The following LYPD6 variants were observed in gnomAD, a reference collection of about 807,000 sequenced individuals.
LYPD6 encodes the protein LY6/PLAUR domain containing 6, also known as ly6/PLAUR domain-containing protein 6.
A neutral mutation model predicts 22.7 loss-of-function variants in LYPD6; 15 were observed. The observed-to-expected ratio is 0.66, with a 90% CI of 0.44 to 1.02. LYPD6 has a LOEUF of 1.02. Ranked by LOEUF, LYPD6 falls within the 50% of genes least tolerant of loss-of-function variation. The pLI, the probability that LYPD6 is intolerant of heterozygous loss-of-function variation, is 0.00. For missense variants in LYPD6, 189 were observed against 208.4 expected (o/e 0.91, Z 0.57); for synonymous variants, 72 against 77.5 (o/e 0.93, Z 0.37).
At chr2:149,360,130 A>C (rs1681543580) in intron 1 of LYPD6, among the ~76,000 whole-genome samples, 1 of 152,202 alleles carries the variant, frequency 6.6e-6, no homozygotes, top group African/African-American at 2.4e-5. Context: ...GTAAACTGTC[A>C]TGGTGCTGTT....
chr2:149,483,103 G>A, the LYPD6 span, among the ~76,000 whole-genome samples: 1 of 152,180 alleles, frequency 6.6e-6, no homozygotes, highest in Non-Finnish European at 1.5e-5. Context: ...GGTCTTAGTG[G>A]AGGGAAACCA....
chr2:149,365,089 G>GC (rs33998268), intron 1 of LYPD6, among the ~76,000 whole-genome samples: 1 of 152,272 alleles, frequency 6.6e-6, no homozygotes, highest in Admixed American at 6.5e-5. Flanking sequence ...CTAATGAACA[G>GC]CCCCTTCATC....
intron 1 of LYPD6, among the ~76,000 whole-genome samples, chr2:149,366,387 T>G (rs1274797178): frequency 6.6e-6 from 1 of 152,228 alleles, no homozygotes; most frequent in Non-Finnish European, 1.5e-5. Context: ...TGGGCTTGAC[T>G]GGTTGCCACC....
chr2:149,440,317 G>T (rs567631692), intron 2 of LYPD6: 2 of 159,430 alleles, frequency 1.3e-5, no homozygotes. Context: ...TCACATCGAG[G>T]TGACCCTTAC....
At chr2:149,336,363 G>T (rs1024169696) in intron 1 of LYPD6, among the ~76,000 whole-genome samples, 7 of 152,164 alleles carry the variant, frequency 4.6e-5, no homozygotes, top group African/African-American at 1.7e-4. Context: ...AGTCAAAATG[G>T]AAGATTGAAG....
rs372365337 is a variant in LYPD6 at position 149,452,323 on chromosome 2, C to T, written c.217+3176C>T. ...CACACTCAGCTTCCTGCTTGGCCAG[C>T]CCTATTTCCCACGAGTCTTCTGCTC... On this transcript the variant is annotated intron_variant, in intron 3 of 4. Transcript: ENST00000334166. 1.1e-4 allele frequency among the ~76,000 whole-genome samples: 16 copies of T among 152,298 alleles called. 1 individual carries two copies. In the East Asian group the frequency reaches 2.7e-3, roughly 26 times the overall value.
rs1682479690 is a variant in LYPD6 at position 149,398,557 on chromosome 2, G to A, written c.-71-39081G>A. On this transcript the variant is annotated intron_variant, in intron 1 of 4. Transcript: ENST00000334166. ...CTTTCCTTACTTTCCTGTTACTGAG[G>A]AGGCTAGAGTGGGGAAGGGATGGGG... is the stretch of plus-strand genomic sequence containing the variant. Among the ~76,000 whole-genome samples the A allele has an allele frequency of 2.0e-5, 3 of 152,012 alleles. No individual in the cohort carries two copies. The South Asian group carries it at 6.2e-4, about 32-fold the overall frequency.
rs75939577 is a variant in LYPD6, at chr2:149,356,085, C to CT, written c.-72+25377dup. On this transcript the variant is annotated intron_variant, in intron 1 of 4. Coordinates refer to ENST00000334166, the MANE Select transcript of LYPD6 (RefSeq NM_194317.5). ...GAGAGCATTTAATACTCTTTTCCCA[C>CT]TTTTTTTTTTTTTTCCTATTACCTT... Among the ~76,000 whole-genome samples the CT allele has an allele frequency of 3.6e-3, 522 of 143,900 alleles. 1 individual carries two copies. The highest frequency in any genetic ancestry group is 3.7e-3 in the Middle Eastern group (1 of 270). 94.4% of individuals were successfully genotyped at this position (143,900 alleles called of 152,430 possible).
intron 1 of LYPD6, among the ~76,000 whole-genome samples, chr2:149,339,011 G>A (rs1039996904): frequency 5.9e-5 from 9 of 152,170 alleles, no homozygotes; most frequent in African/African-American, 2.2e-4. Context: ...TCAAGCCAGT[G>A]CCCAGGACTT....
At chr2:149,468,574 C>G in intron 3 of LYPD6, 71 bp from the exon 4 acceptor site, 2 of 1,524,336 alleles carry the variant, frequency 1.3e-6, no homozygotes, top group Non-Finnish European at 1.8e-6. Context: ...AATGCTGACA[C>G]TCCTGTTATT....
chr2:149,349,306 T>C (rs919068236), intron 1 of LYPD6, among the ~76,000 whole-genome samples: 1 of 152,100 alleles, frequency 6.6e-6, no homozygotes, highest in Admixed American at 6.6e-5. Flanking sequence ...GAAGTTGCAG[T>C]TGTGTGCTCC....
intron 1 of LYPD6, among the ~76,000 whole-genome samples, chr2:149,394,499 A>C (rs574760086): frequency 6.6e-6 from 1 of 152,280 alleles, no homozygotes; most frequent in Non-Finnish European, 1.5e-5. Context: ...ACACCCATAC[A>C]TTTATATTTT....
At chr2:149,478,284 CCTGTTCAGTGGTT>C (rs147743322), downstream of LYPD6, among the ~76,000 whole-genome samples, 997 of 152,176 alleles carry the variant, frequency 6.6e-3, 9 homozygotes, top group Middle Eastern at 0.02. Context: ...CCTCAGAGCC[CCTGTTCAGTGGTT>C]CTGTCAACTA....
Position 149,369,749 on chromosome 2 carries a change from A to G in LYPD6, c.-72+39027A>G, listed in dbSNP as rs373915345. Among the ~76,000 whole-genome samples the G allele has an allele frequency of 7.9e-5, 12 of 152,230 alleles. 1 individual carries two copies. Among genetic ancestry groups the G allele is most frequent in the East Asian group, 3.8e-4 (2 of 5,196 alleles). On this transcript the variant is annotated intron_variant, in intron 1 of 4. Coordinates refer to ENST00000334166, the MANE Select transcript of LYPD6 (RefSeq NM_194317.5). ...CTGTGCTAGATGCCGCTGACCCAAC[A>G]GAAGGATTGAATTCAGGAAGAAAAG...
chr2:149,339,364 A>G (rs1681117171), intron 1 of LYPD6, among the ~76,000 whole-genome samples: 1 of 152,132 alleles, frequency 6.6e-6, no homozygotes, highest in Non-Finnish European at 1.5e-5. Context: ...TTCCCCTAGG[A>G]GTTGATATCT....
intron 4 of LYPD6, among the ~76,000 whole-genome samples, chr2:149,470,107 T>C (rs1681296995): frequency 6.6e-6 from 1 of 152,184 alleles, no homozygotes; most frequent in Admixed American, 6.5e-5. Context: ...ACTAACTCTG[T>C]GGGTTTATTT....
intron 1 of LYPD6, among the ~76,000 whole-genome samples, chr2:149,410,016 T>C (rs1682818171): frequency 6.6e-6 from 1 of 152,184 alleles, no homozygotes; most frequent in Non-Finnish European, 1.5e-5. Context: ...CTCCACACAC[T>C]GCTCTGTCCC....
chr2:149,427,739 A>T (rs1683215790), intron 1 of LYPD6, among the ~76,000 whole-genome samples: 1 of 152,258 alleles, frequency 6.6e-6, no homozygotes, highest in Non-Finnish European at 1.5e-5. Context: ...AGTAGGCTAT[A>T]CCATCTGGGC....
chr2:149,393,552 C>T lies in LYPD6; in HGVS notation c.-71-44086C>T, dbSNP rs191219911. Among the ~76,000 whole-genome samples, 56 of 152,308 alleles carry T rather than the reference C, an allele frequency of 3.7e-4. 1 individual carries two copies. Among genetic ancestry groups the T allele is most frequent in the Non-Finnish European group, 5.9e-5 (4 of 68,020 alleles). ...CCCACTGAGTTAGGGGGCATAAAAG[C>T]AGAGTGGACAGGGCAGCCTCACCAA... is the stretch of plus-strand genomic sequence containing the variant. On this transcript the variant is annotated intron_variant, in intron 1 of 4. Transcript: ENST00000334166.
Sources: allele counts gnomAD v4.1 joint callset (sites outside exome capture counted in the v4.1 genomes callset), GRCh38; gene constraint gnomAD v4.1.1; transcripts MANE v1.5; gene names NCBI Gene and HGNC (gene_info 2026-07-23, HGNC 2026-07-21).